CFDP1: variants seen among roughly 807,000 people sequenced by gnomAD.
CFDP1 encodes heterochromatin-stabilizing protein CFDP1.
CFDP1 carries 31 observed loss-of-function variants against 40.1 expected under a neutral mutation model. That is an observed-to-expected ratio of 0.77 (90% CI 0.58 to 1.04). The LOEUF (loss-of-function observed/expected upper bound fraction) is 1.04. CFDP1 is among the 50% of genes least tolerant of loss of function. CFDP1 has a pLI of 0.00. For synonymous variants in CFDP1, 167 were observed against 120.0 expected (o/e 1.39, Z -2.56); for missense variants, 423 against 343.4 (o/e 1.23, Z -1.83).
In CFDP1 at chr16:75,433,430, A is replaced by G. The variant is rs1232714693; in HGVS notation, c.-78T>C. On this transcript the variant is annotated 5_prime_UTR_variant, in exon 1 of 7. The change abolishes an upstream ATG in the 5' untranslated region. Coordinates refer to ENST00000283882, the MANE Select transcript of CFDP1 (RefSeq NM_006324.3). ...AACGGCAAAGCTCTAGGGAGAGACC[A>G]TAGAGCCCCGGCGGCGGCGACGGCA... The G allele has an allele frequency of 2.1e-6, 3 of 1,424,118 alleles. No homozygotes were observed. The highest frequency in any genetic ancestry group is 1.2e-5 in the South Asian group (1 of 82,142). 88.2% of individuals were successfully genotyped at this position (1,424,118 alleles called of 1,614,324 possible). A position where few individuals can be genotyped will look rare whatever the true frequency, so the allele number is the denominator to read the frequency against.
chr16:75,428,901 G>A (rs567853149), intron 1 of CFDP1, among the ~76,000 whole-genome samples: 1 of 152,078 alleles, frequency 6.6e-6, no homozygotes, highest in East Asian at 1.9e-4. Flanking sequence ...CAGATCATGA[G>A]GTCAGGAGTT....
chr16:75,350,082 G>C (rs892512430), intron 5 of CFDP1, among the ~76,000 whole-genome samples: 1 of 151,944 alleles, frequency 6.6e-6, no homozygotes, highest in Non-Finnish European at 1.5e-5. Context: ...AGTGTACTCT[G>C]TTCTTTTTTA....
intron 5 of CFDP1, among the ~76,000 whole-genome samples, chr16:75,378,193 A>G (rs2078818254): frequency 6.6e-6 from 1 of 152,138 alleles, no homozygotes. Context: ...TGGAAACAAC[A>G]CTTCTACAAC....
At chr16:75,297,312 G>A (rs2151496932) in intron 6 of CFDP1, among the ~76,000 whole-genome samples, 1 of 152,208 alleles carries the variant, frequency 6.6e-6, no homozygotes, top group Admixed American at 6.5e-5. Context: ...GAGCCACTCT[G>A]CCCGGTCTTG....
At chr16:75,427,067 A>C (rs2079350533) in intron 1 of CFDP1, among the ~76,000 whole-genome samples, 1 of 151,882 alleles carries the variant, frequency 6.6e-6, no homozygotes, top group African/African-American at 2.4e-5. Context: ...AAAAAAACAA[A>C]ACAAATATCT....
chr16:75,408,244 T>C (rs2079121656), intron 4 of CFDP1, among the ~76,000 whole-genome samples: 1 of 152,066 alleles, frequency 6.6e-6, no homozygotes. Flanking sequence ...TAAATGAAAC[T>C]TTTTTAAAAT....
At chr16:75,349,644 C>A (rs553658915) in intron 5 of CFDP1, among the ~76,000 whole-genome samples, 203 of 66,334 alleles carry the variant, frequency 3.1e-3, no homozygotes, top group Non-Finnish European at 4.1e-3. Flanking sequence ...GAGCGAGACT[C>A]CGTCTCAAAA....
At chr16:75,355,806 C>T (rs892742588) in intron 5 of CFDP1, among the ~76,000 whole-genome samples, 3 of 152,184 alleles carry the variant, frequency 2.0e-5, no homozygotes, top group East Asian at 3.9e-4. Context: ...AGGTGCCTTC[C>T]GCCATGACTG....
intron 5 of CFDP1, among the ~76,000 whole-genome samples, chr16:75,310,746 G>A (rs1242329216): frequency 3.9e-5 from 6 of 152,160 alleles, no homozygotes; most frequent in Admixed American, 3.9e-4. Context: ...AAGAGGTACT[G>A]GAAAGGAGCT....
At chr16:75,295,340 C>T (rs2151496116) in intron 6 of CFDP1, among the ~76,000 whole-genome samples, 1 of 152,344 alleles carries the variant, frequency 6.6e-6, no homozygotes, top group South Asian at 2.1e-4. Flanking sequence ...CATTTGCTGT[C>T]TGTGACTCTG....
chr16:75,411,738 GAA>G (rs1441081210), intron 4 of CFDP1, 85 bp downstream of exon 4: 2 of 1,298,088 alleles, frequency 1.5e-6, no homozygotes, highest in Non-Finnish European at 2.2e-6. Flanking sequence ...ATGATGGATT[GAA>G]AAGAGGATAG....
intron 1 of CFDP1, among the ~76,000 whole-genome samples, chr16:75,426,338 G>A (rs956077582): frequency 4.0e-5 from 6 of 150,204 alleles, no homozygotes; most frequent in African/African-American, 9.8e-5. Flanking sequence ...CAACAAGAGC[G>A]AAACTCTATC....
intron 5 of CFDP1, among the ~76,000 whole-genome samples, chr16:75,307,825 A>G (rs1164708715): frequency 1.3e-5 from 2 of 152,120 alleles, no homozygotes; most frequent in Admixed American, 6.5e-5. Flanking sequence ...CTCCCGAAGT[A>G]CTGGGATTAT....
At chr16:75,371,001 A>G (rs1170093574) in intron 5 of CFDP1, among the ~76,000 whole-genome samples, 12 of 152,250 alleles carry the variant, frequency 7.9e-5, no homozygotes. Context: ...AATATGCCCT[A>G]TATGAGCATA....
chr16:75,367,792 CAAAAA>C, intron 5 of CFDP1, among the ~76,000 whole-genome samples: 1 of 105,604 alleles, frequency 9.5e-6, no homozygotes. Flanking sequence ...CACTCCATCT[CAAAAA>C]AAAAAAAAAA....
intron 5 of CFDP1, among the ~76,000 whole-genome samples, chr16:75,311,099 A>G (rs1212061698): frequency 6.6e-6 from 1 of 152,226 alleles, no homozygotes; most frequent in Admixed American, 6.5e-5. Context: ...AGAAGAGCTG[A>G]AGGGATGTTT....
At chr16:75,398,368 C>T (rs545900497) in intron 4 of CFDP1, among the ~76,000 whole-genome samples, 3 of 152,354 alleles carry the variant, frequency 2.0e-5, no homozygotes, top group Admixed American at 2.0e-4. Context: ...TCCCCACATG[C>T]TCTTCCAGAA....
intron 5 of CFDP1, among the ~76,000 whole-genome samples, chr16:75,390,319 G>A (rs1192666795): frequency 1.3e-5 from 2 of 152,212 alleles, no homozygotes; most frequent in Non-Finnish European, 2.9e-5. Context: ...TCTCAACTAA[G>A]GCTTGAAATT....
chr16:75,351,309 C>T (rs2078608681), intron 5 of CFDP1, among the ~76,000 whole-genome samples: 1 of 152,190 alleles, frequency 6.6e-6, no homozygotes, highest in African/African-American at 2.4e-5. Flanking sequence ...TCAGTAGCAA[C>T]TGGCATTCTT....
Sources: allele counts gnomAD v4.1 joint callset (sites outside exome capture counted in the v4.1 genomes callset), GRCh38; gene constraint gnomAD v4.1.1; transcripts MANE v1.5; gene names NCBI Gene and HGNC (gene_info 2026-07-23, HGNC 2026-07-21).